The following VWC2 variants were observed in gnomAD, a reference collection of about 807,000 sequenced individuals.
VWC2 encodes the protein von Willebrand factor C domain containing 2, also known as brorin.
Under a neutral mutation model 29.8 loss-of-function variants are expected in VWC2, and 14 were observed. That is an observed-to-expected ratio of 0.47 (90% CI 0.31 to 0.74). VWC2 has a LOEUF of 0.74. VWC2 is among the 30% of genes least tolerant of loss of function. VWC2 has a pLI of 0.05. For synonymous variants in VWC2, 213 were observed against 199.0 expected, an observed-to-expected ratio of 1.07 and a Z score of -0.59; for missense variants, 457 against 459.8, an observed-to-expected ratio of 0.99 and a Z score of 0.05.
chr7:49,860,259 T>A (rs1328942258), intron 3 of VWC2, among the ~76,000 whole-genome samples: 2 of 152,270 alleles, frequency 1.3e-5, no homozygotes, highest in Non-Finnish European at 2.9e-5. Flanking sequence ...TCCTCATTCC[T>A]GTCTACGTCA....
At chr7:49,786,728 G>GC (rs536498551) in intron 2 of VWC2, among the ~76,000 whole-genome samples, 26 of 152,300 alleles carry the variant, frequency 1.7e-4, no homozygotes, top group Middle Eastern at 3.4e-3. Context: ...TTTGTCTGAT[G>GC]ATCAGTGATG....
chr7:49,778,092 G>A (rs964801912), intron 2 of VWC2, among the ~76,000 whole-genome samples: 5 of 151,322 alleles, frequency 3.3e-5, no homozygotes, highest in African/African-American at 9.7e-5. Context: ...GAGATCACAG[G>A]TAAAGGAAAT....
At position 49,831,204 on chromosome 7, in the gene VWC2, G is replaced by A. The variant is rs76033624; in HGVS notation, c.826+28364G>A. ...TCCAGCCACTTGCTCTTCTCCTAAG[G>A]GCTTATGGTGGTGGCTATCTTCTTT... On this transcript the variant is annotated intron_variant, in intron 3 of 3. Coordinates refer to ENST00000340652, the MANE Select transcript of VWC2 (RefSeq NM_198570.5). 3.6e-3 allele frequency among the ~76,000 whole-genome samples: 550 copies of A among 152,112 alleles called. 1 individual carries two copies. Among genetic ancestry groups the A allele is most frequent in the African/African-American group, 0.013 (534 of 41,480 alleles).
At chr7:49,791,212 G>A (rs1788456593) in intron 2 of VWC2, among the ~76,000 whole-genome samples, 1 of 152,194 alleles carries the variant, frequency 6.6e-6, no homozygotes, top group Non-Finnish European at 1.5e-5. Context: ...GCCTCTACGT[G>A]CACCCTAAGG....
intron 3 of VWC2, among the ~76,000 whole-genome samples, chr7:49,886,097 C>G (rs1247100892): frequency 6.6e-6 from 1 of 152,188 alleles, no homozygotes; most frequent in Admixed American, 6.5e-5. Flanking sequence ...GGAGGCGTCA[C>G]CAGGTGCTGG....
At chr7:49,794,208 C>T (rs180810040) in intron 2 of VWC2, among the ~76,000 whole-genome samples, 82 of 152,310 alleles carry the variant, frequency 5.4e-4, no homozygotes, top group African/African-American at 1.8e-3. Context: ...AACTCTGGTT[C>T]CCCTTCTCTT....
intron 3 of VWC2, among the ~76,000 whole-genome samples, chr7:49,877,919 T>C (rs74404047): frequency 6.6e-6 from 1 of 152,094 alleles, no homozygotes; most frequent in African/African-American, 2.4e-5. Context: ...TTGGGTCTAG[T>C]TGAAAAACAT....
intron 2 of VWC2, among the ~76,000 whole-genome samples, chr7:49,782,845 C>T (rs1448705514): frequency 2.6e-5 from 4 of 151,946 alleles, no homozygotes; most frequent in Admixed American, 2.0e-4. Flanking sequence ...CAGCATAAGA[C>T]CCCATCTTAA....
rs374769528 is a variant in VWC2, at chr7:49,907,067, C to G, written c.827-4967C>G. Among the ~76,000 whole-genome samples the G allele has an allele frequency of 1.5e-3, 234 of 152,052 alleles. 3 individuals carry two copies. The highest frequency in any genetic ancestry group is 5.4e-3 in the African/African-American group (224 of 41,446). Reference sequence around the variant, plus strand: ...GAGCCATAAAGAACAAGTACTGGGTCTGTGTATGGATGTGGAGTGATAAGC... The same window carrying G: ...GAGCCATAAAGAACAAGTACTGGGTGTGTGTATGGATGTGGAGTGATAAGC... On this transcript the variant is annotated intron_variant, in intron 3 of 3. Transcript: ENST00000340652.
intron 3 of VWC2, among the ~76,000 whole-genome samples, chr7:49,899,161 T>C (rs1792570619): frequency 6.6e-6 from 1 of 152,032 alleles, no homozygotes; most frequent in East Asian, 1.9e-4. Context: ...CCCCAGTGGA[T>C]GCCTGAAACC....
At chr7:49,798,497 A>T (rs537771164) in intron 2 of VWC2, among the ~76,000 whole-genome samples, 3 of 152,322 alleles carry the variant, frequency 2.0e-5, no homozygotes, top group East Asian at 1.9e-4. Flanking sequence ...GTATCTCAGG[A>T]GGTGGAAGGC....
chr7:49,868,354 T>C (rs1213451378), intron 3 of VWC2, among the ~76,000 whole-genome samples: 1 of 152,234 alleles, frequency 6.6e-6, no homozygotes, highest in South Asian at 2.1e-4. Context: ...TTTCAAAGTA[T>C]TGATGGTTCA....
chr7:49,855,477 G>A (rs79368066), intron 3 of VWC2, among the ~76,000 whole-genome samples: 5,093 of 152,254 alleles, frequency 0.033, 117 homozygotes, highest in Non-Finnish European at 0.051. Flanking sequence ...GAAGGTTTGG[G>A]TATTTCCCAG....
intron 3 of VWC2, among the ~76,000 whole-genome samples, chr7:49,806,167 G>A (rs1788875145): frequency 6.6e-6 from 1 of 151,758 alleles, no homozygotes; most frequent in Non-Finnish European, 1.5e-5. Flanking sequence ...TCTGGTGATA[G>A]GTGCACAGCA....
At chr7:49,911,921 A>ATG (rs1583822951) in intron 3 of VWC2, 113 bp from the exon 4 acceptor site, 1 of 743,236 alleles carries the variant, frequency 1.3e-6, no homozygotes, top group South Asian at 4.3e-5. Context: ...AAACAAATAC[A>ATG]CGCACACACA....
chr7:49,833,406 T>G (rs1789579955), intron 3 of VWC2, among the ~76,000 whole-genome samples: 1 of 152,172 alleles, frequency 6.6e-6, no homozygotes, highest in Non-Finnish European at 1.5e-5. Context: ...AGCCAATCAC[T>G]GAGATAACAA....
intron 2 of VWC2, among the ~76,000 whole-genome samples, chr7:49,787,471 T>C (rs1458069925): frequency 6.6e-6 from 1 of 152,148 alleles, no homozygotes; most frequent in Non-Finnish European, 1.5e-5. Context: ...GAGCTAAACC[T>C]CCCCACCTGG....
At chr7:49,803,098 G>C (rs192251383) in intron 3 of VWC2, among the ~76,000 whole-genome samples, 2 of 152,326 alleles carry the variant, frequency 1.3e-5, no homozygotes, top group African/African-American at 4.8e-5. Flanking sequence ...CCTTTGAGGA[G>C]AGTCACTTAT....
At chr7:49,802,865 G>A (rs201857033) in intron 3 of VWC2, 25 bp downstream of exon 3, 227 of 1,613,690 alleles carry the variant, frequency 1.4e-4, no homozygotes, top group Middle Eastern at 1.6e-4. Context: ...CGTTGGTGAC[G>A]GGGTGCACCT....
Sources: gnomAD v4.1 joint callset for allele counts (sites outside exome capture counted in the v4.1 genomes callset) on GRCh38, gnomAD v4.1.1 for gene constraint, MANE v1.5 for transcripts, NCBI Gene and HGNC (gene_info 2026-07-23, HGNC 2026-07-21) for gene names.